Variants in RIN3 observed in about 807,000 individuals in gnomAD.
RIN3 encodes the protein RAB5 interacting protein 3.
Under a neutral mutation model 76.3 loss-of-function variants are expected in RIN3, and 54 were observed. That is an observed-to-expected ratio of 0.71 (90% CI 0.57 to 0.89). RIN3 has a LOEUF of 0.89. Among genes scored for constraint, RIN3 ranks in the 40% least tolerant of loss-of-function variants. RIN3 has a pLI of 0.00. For missense variants in RIN3, 1,256 were observed against 1,322.1 expected, an observed-to-expected ratio of 0.95 and a Z score of 0.78; for synonymous variants, 576 against 564.0, an observed-to-expected ratio of 1.02 and a Z score of -0.30.
At chr14:92,678,890 C>T (rs1466088813) in intron 8 of RIN3, among the ~76,000 whole-genome samples, 1 of 152,162 alleles carries the variant, frequency 6.6e-6, no homozygotes, top group Non-Finnish European at 1.5e-5. Flanking sequence ...AAGGGAAGCT[C>T]TCAGCATGCA....
At chr14:92,546,193 G>T (rs758960422) in intron 1 of RIN3, among the ~76,000 whole-genome samples, 1 of 152,010 alleles carries the variant, frequency 6.6e-6, no homozygotes, top group Non-Finnish European at 1.5e-5. Flanking sequence ...CCAAAGGGCT[G>T]GGATTACAGG....
At chr14:92,608,348 A>G (rs1885603159) in intron 3 of RIN3, among the ~76,000 whole-genome samples, 1 of 152,142 alleles carries the variant, frequency 6.6e-6, no homozygotes, top group Non-Finnish European at 1.5e-5. Flanking sequence ...TCCAAAATAA[A>G]CCATTTTATG....
chr14:92,684,609 ACAGTGAGAAGTCTCCTGCCCACC>A (rs1002133435), intron 8 of RIN3, among the ~76,000 whole-genome samples: 1 of 152,198 alleles, frequency 6.6e-6, no homozygotes, highest in Admixed American at 6.5e-5. Context: ...TGATACACAC[ACAGTGAGAAGTCTCCTGCCCACC>A]CTGTCTCCTG....
intron 3 of RIN3, among the ~76,000 whole-genome samples, chr14:92,602,482 C>T (rs973210829): frequency 6.6e-6 from 1 of 152,196 alleles, no homozygotes; most frequent in African/African-American, 2.4e-5. Flanking sequence ...GGGCCATGGT[C>T]ACAACTTGGC....
chr14:92,617,226 G>A (rs2140105434), intron 4 of RIN3, among the ~76,000 whole-genome samples: 1 of 152,148 alleles, frequency 6.6e-6, no homozygotes, highest in African/African-American at 2.4e-5. Flanking sequence ...CTTGAACCTG[G>A]GAGGCAGAGG....
chr14:92,595,191 G>T (rs1434619935), intron 3 of RIN3, among the ~76,000 whole-genome samples: 4 of 152,162 alleles, frequency 2.6e-5, no homozygotes, highest in African/African-American at 7.2e-5. Flanking sequence ...GTGTAATCAG[G>T]GCTCTTGTGA....
At chr14:92,644,044 G>A (rs763917868) in intron 5 of RIN3, among the ~76,000 whole-genome samples, 14 of 152,118 alleles carry the variant, frequency 9.2e-5, no homozygotes, top group Non-Finnish European at 1.9e-4. Flanking sequence ...GAGCAGCTAT[G>A]TGAAACATGC....
chr14:92,669,473 T>TCTTCAAGGAC (rs1422115211), intron 7 of RIN3, among the ~76,000 whole-genome samples: 1 of 151,716 alleles, frequency 6.6e-6, no homozygotes, highest in African/African-American at 2.4e-5. Context: ...GCTGAGGAGG[T>TCTTCAAGGAC]CTTCAAGGAA....
At chr14:92,610,135 G>A (rs997625687) in intron 3 of RIN3, among the ~76,000 whole-genome samples, 6 of 152,134 alleles carry the variant, frequency 3.9e-5, no homozygotes, top group African/African-American at 1.4e-4. Context: ...ATCACAGTCA[G>A]TTAAGAACAT....
At chr14:92,566,486 G>T (rs768379194) in intron 2 of RIN3, among the ~76,000 whole-genome samples, 1 of 152,192 alleles carries the variant, frequency 6.6e-6, no homozygotes, top group Non-Finnish European at 1.5e-5. Context: ...AGGAAAGGGG[G>T]TGAATGGCCA....
intron 4 of RIN3, among the ~76,000 whole-genome samples, chr14:92,622,688 C>A (rs1886225353): frequency 6.6e-6 from 1 of 152,164 alleles, no homozygotes; most frequent in Admixed American, 6.5e-5. Context: ...CAGTTGACAT[C>A]ATCAAAGGAG....
chr14:92,668,762 C>T (rs887034169), intron 7 of RIN3, among the ~76,000 whole-genome samples: 7 of 152,156 alleles, frequency 4.6e-5, no homozygotes, highest in African/African-American at 7.2e-5. Context: ...AGCTGGGGGC[C>T]GCCATGGGAA....
intron 4 of RIN3, among the ~76,000 whole-genome samples, chr14:92,617,509 C>G (rs1490027457): frequency 6.6e-6 from 1 of 152,090 alleles, no homozygotes; most frequent in African/African-American, 2.4e-5. Context: ...TCCTGTTATT[C>G]CAGTTGGAGA....
At position 92,593,502 on chromosome 14, in the gene RIN3, G is replaced by A. The variant is rs562962861; in HGVS notation, c.367+16025G>A. ...AGGTATACCATGCTAACACTAAATT[G>A]GACACAGGAAGGGGAACATCACACA... On this transcript the variant is annotated intron_variant, in intron 3 of 9. Transcript: ENST00000216487. Among the ~76,000 whole-genome samples, 24 of 151,774 alleles carry A rather than the reference G, an allele frequency of 1.6e-4. 1 individual carries two copies. In the South Asian group the frequency reaches 4.0e-3, roughly 25 times the overall value.
In RIN3 at chr14:92,648,133, G is replaced by T. The variant is rs959903623; in HGVS notation, c.533-3449G>T. On this transcript the variant is annotated intron_variant, in intron 5 of 9. Transcript: ENST00000216487. The surrounding 1 kb of genome is among the most constrained non-coding windows in gnomAD (Gnocchi z 4.1). ...GAGCATAAAGCCCTGCAATGCCACT[G>T]TGGTTCCCTAACAGGTCCCAAGACC... 2.9e-5 allele frequency among the ~76,000 whole-genome samples: 4 copies of T among 137,494 alleles called. No homozygotes were observed. Among genetic ancestry groups the T allele is most frequent in the African/African-American group, 5.6e-5 (2 of 35,904 alleles). 90.2% of individuals were successfully genotyped at this position (137,494 alleles called of 152,430 possible).
intron 2 of RIN3, among the ~76,000 whole-genome samples, chr14:92,564,980 G>T (rs56152605): frequency 2.6e-5 from 4 of 151,986 alleles, no homozygotes; most frequent in African/African-American, 9.7e-5. Flanking sequence ...GGGCCCTACC[G>T]TGGGCATGAA....
At chr14:92,584,524 C>T (rs1486412270) in intron 3 of RIN3, among the ~76,000 whole-genome samples, 2 of 152,182 alleles carry the variant, frequency 1.3e-5, no homozygotes, top group Non-Finnish European at 2.9e-5. Flanking sequence ...TCCTGCATCC[C>T]CAGTCCTCCT....
intron 1 of RIN3, among the ~76,000 whole-genome samples, chr14:92,522,122 T>C (rs1334765364): frequency 3.3e-5 from 5 of 152,188 alleles, no homozygotes; most frequent in African/African-American, 1.2e-4. Flanking sequence ...ACTTTTACCA[T>C]GGTGGTGAAG....
chr14:92,641,594 T>C (rs368600435), intron 5 of RIN3, among the ~76,000 whole-genome samples: 21 of 152,240 alleles, frequency 1.4e-4, no homozygotes, highest in African/African-American at 5.1e-4. Flanking sequence ...CCAGAGAGGC[T>C]GGTGTGGTCC....
Sources: allele counts gnomAD v4.1 joint callset (sites outside exome capture counted in the v4.1 genomes callset), GRCh38; gene constraint gnomAD v4.1.1; non-coding constraint Gnocchi (gnomAD v3.1); transcripts MANE v1.5; gene names NCBI Gene and HGNC (gene_info 2026-07-23, HGNC 2026-07-21).